Variants in TMEM132D observed in about 807,000 individuals in gnomAD.
TMEM132D encodes mature OL transmembrane protein.
TMEM132D carries 21 observed loss-of-function variants against 62.3 expected under a neutral mutation model. That is an observed-to-expected ratio of 0.34 (90% CI 0.24 to 0.49). The LOEUF (loss-of-function observed/expected upper bound fraction) is 0.49, where lower values mean the gene tolerates loss of function less well. TMEM132D is among the 20% of genes least tolerant of loss of function. The pLI is 0.99. For synonymous variants in TMEM132D, 621 were observed against 575.6 expected, an observed-to-expected ratio of 1.08 and a Z score of -1.13; for missense variants, 1,346 against 1,402.8, an observed-to-expected ratio of 0.96 and a Z score of 0.65.
chr12:129,817,001 TAGAC>T (rs1182767991), intron 1 of TMEM132D, among the ~76,000 whole-genome samples: 1 of 152,234 alleles, frequency 6.6e-6, no homozygotes, highest in African/African-American at 2.4e-5. Context: ...CTTGGCTAAT[TAGAC>T]AGGAGTCAGT....
chr12:129,554,183 T>C (rs1318690125), intron 2 of TMEM132D, among the ~76,000 whole-genome samples: 1 of 152,180 alleles, frequency 6.6e-6, no homozygotes, highest in Non-Finnish European at 1.5e-5. Context: ...ACACCACTCT[T>C]TGGCCACACC....
intron 2 of TMEM132D, among the ~76,000 whole-genome samples, chr12:129,618,104 A>T (rs1325734242): frequency 1.3e-5 from 2 of 152,226 alleles, no homozygotes; most frequent in African/African-American, 4.8e-5. Context: ...TGCTAAACAC[A>T]GAGCCTGGAG....
chr12:129,622,299 T>C (rs981161743), intron 2 of TMEM132D, among the ~76,000 whole-genome samples: 4 of 152,186 alleles, frequency 2.6e-5, no homozygotes, highest in Non-Finnish European at 4.4e-5. Flanking sequence ...GACGAGAAGA[T>C]GACGTTGCTG....
intron 1 of TMEM132D, among the ~76,000 whole-genome samples, chr12:129,824,568 T>C (rs1185998079): frequency 6.6e-6 from 1 of 151,984 alleles, no homozygotes; most frequent in South Asian, 2.1e-4. Flanking sequence ...ATGGGACTAG[T>C]TCCCTTATAA....
intron 2 of TMEM132D, among the ~76,000 whole-genome samples, chr12:129,602,369 C>T (rs1181980204): frequency 2.0e-5 from 3 of 152,072 alleles, no homozygotes; most frequent in South Asian, 4.2e-4. Flanking sequence ...CTGAATTTTA[C>T]TTCCTAAAGC....
rs138922422 is a variant in TMEM132D at position 129,544,584 on chromosome 12, T to C, written c.969-13379A>G. Among the ~76,000 whole-genome samples the C allele has an allele frequency of 3.5e-4, 53 of 152,380 alleles. 1 individual carries two copies. The East Asian group carries it at 9.8e-3, about 28-fold the overall frequency. ...CACAATAGCTTATGACATATTTTAA[T>C]ATCTGGTAGGGCTATTTTCTTCCTA... On this transcript the variant is annotated intron_variant, in intron 2 of 8. Coordinates refer to ENST00000422113, the MANE Select transcript of TMEM132D (RefSeq NM_133448.3).
chr12:129,116,918 CAAAAAAAAAAAAAA>C (rs60513263), intron 5 of TMEM132D, among the ~76,000 whole-genome samples: 79 of 59,048 alleles, frequency 1.3e-3, no homozygotes, highest in African/African-American at 5.1e-3. Flanking sequence ...AAAATTTCCG[CAAAAAAAAAAAAAA>C]AAAAAAAAAA....
intron 2 of TMEM132D, among the ~76,000 whole-genome samples, chr12:129,638,321 C>T (rs917121203): frequency 2.0e-5 from 3 of 152,056 alleles, no homozygotes; most frequent in Non-Finnish European, 2.9e-5. Context: ...ACCTTTACCC[C>T]CAAATTATGT....
intron 3 of TMEM132D, among the ~76,000 whole-genome samples, chr12:129,348,901 G>C (rs753665567): frequency 6.6e-6 from 1 of 152,104 alleles, no homozygotes; most frequent in Admixed American, 6.6e-5. Context: ...GAGGAGCCTC[G>C]GGTAACCCTT....
At position 129,287,246 on chromosome 12, in the gene TMEM132D, T is replaced by C. The variant is rs1484626944; in HGVS notation, c.1299+50388A>G. Among the ~76,000 whole-genome samples, 3 of 152,196 alleles carry C rather than the reference T, an allele frequency of 2.0e-5. No homozygotes were observed. The East Asian group carries it at 5.8e-4, about 29-fold the overall frequency. On this transcript the variant is annotated intron_variant, in intron 4 of 8. Coordinates refer to ENST00000422113, the MANE Select transcript of TMEM132D (RefSeq NM_133448.3). ...GGGATACTTCGAGGAAGAAAATAAA[T>C]ACTGATAGTAATGCTCTATAATCCA... is the stretch of plus-strand genomic sequence containing the variant.
At chr12:129,227,619 T>G (rs1879516744) in intron 4 of TMEM132D, among the ~76,000 whole-genome samples, 1 of 151,260 alleles carries the variant, frequency 6.6e-6, no homozygotes, top group African/African-American at 2.4e-5. Flanking sequence ...TTTATTATAC[T>G]TTAAGTTCTA....
intron 3 of TMEM132D, among the ~76,000 whole-genome samples, chr12:129,528,177 A>G (rs1318859988): frequency 6.6e-6 from 1 of 152,186 alleles, no homozygotes; most frequent in Non-Finnish European, 1.5e-5. Context: ...AGCAAAACCT[A>G]CCAATATTAT....
intron 4 of TMEM132D, among the ~76,000 whole-genome samples, chr12:129,320,421 C>T (rs1868653117): frequency 6.6e-6 from 1 of 152,194 alleles, no homozygotes; most frequent in South Asian, 2.1e-4. Context: ...CTATGGGACA[C>T]TGTGCAGGAG....
intron 1 of TMEM132D, among the ~76,000 whole-genome samples, chr12:129,846,684 T>C (rs553357575): frequency 6.6e-6 from 1 of 152,220 alleles, no homozygotes. Flanking sequence ...TCTTTGCTCT[T>C]GAGAATATAT....
At chr12:129,840,940 G>C (rs151112610) in intron 1 of TMEM132D, among the ~76,000 whole-genome samples, 1 of 152,338 alleles carries the variant, frequency 6.6e-6, no homozygotes, top group African/African-American at 2.4e-5. Flanking sequence ...AATGGTTATC[G>C]TCACTGATGA....
chr12:129,672,167 T>C (rs554842786), intron 2 of TMEM132D, among the ~76,000 whole-genome samples: 4 of 152,310 alleles, frequency 2.6e-5, no homozygotes, highest in African/African-American at 9.6e-5. Context: ...AGCCAGCTTC[T>C]CCTCTCTAAG....
chr12:129,153,257 T>C (rs970557585), intron 5 of TMEM132D, among the ~76,000 whole-genome samples: 1 of 152,102 alleles, frequency 6.6e-6, no homozygotes, highest in Admixed American at 6.5e-5. Flanking sequence ...CGCGATAGAA[T>C]GCAGTAGCCG....
intron 5 of TMEM132D, among the ~76,000 whole-genome samples, chr12:129,143,400 G>A (rs1422256594): frequency 2.0e-5 from 3 of 152,158 alleles, no homozygotes; most frequent in African/African-American, 7.2e-5. Flanking sequence ...AAATCTCCAC[G>A]TGTTCTGTGA....
intron 4 of TMEM132D, among the ~76,000 whole-genome samples, chr12:129,270,143 A>G (rs1396236142): frequency 1.3e-5 from 2 of 152,166 alleles, no homozygotes; most frequent in Non-Finnish European, 2.9e-5. Context: ...GTATGCAGAT[A>G]AGGTTGTCCT....
Sources: gnomAD v4.1 joint callset for allele counts (sites outside exome capture counted in the v4.1 genomes callset) on GRCh38, gnomAD v4.1.1 for gene constraint, MANE v1.5 for transcripts, NCBI Gene and HGNC (gene_info 2026-07-23, HGNC 2026-07-21) for gene names.